The following RASAL3 variants were observed in gnomAD, a reference collection of about 807,000 sequenced individuals.
RASAL3 encodes the protein RAS protein activator like 3, also known as RAS protein activator like-3.
Under a neutral mutation model 105.5 loss-of-function variants are expected in RASAL3, and 74 were observed. The ratio of observed to expected loss-of-function variants is 0.70; its 90% CI spans 0.58 to 0.85. RASAL3 has a LOEUF of 0.85. Among genes scored for constraint, RASAL3 ranks in the 40% least tolerant of loss-of-function variants. The pLI, the probability that RASAL3 is intolerant of heterozygous loss-of-function variation, is 0.00. For synonymous variants in RASAL3, 579 were observed against 591.6 expected, an observed-to-expected ratio of 0.98 and a Z score of 0.31; for missense variants, 1,352 against 1,392.0, an observed-to-expected ratio of 0.97 and a Z score of 0.46.
intron 6 of RASAL3, 93 bp from the exon 7 acceptor site, chr19:15,458,748 C>T (rs1365128985): frequency 1.4e-6 from 2 of 1,479,854 alleles, no homozygotes; most frequent in Non-Finnish European, 9.0e-7. Context: ...AGGACTTCAA[C>T]CCAATTCGGA....
At chr19:15,463,038 C>T (rs751690352) in intron 2 of RASAL3, among the ~76,000 whole-genome samples, 3 of 151,928 alleles carry the variant, frequency 2.0e-5, no homozygotes, top group Non-Finnish European at 4.4e-5. Flanking sequence ...TCTTCTAGAT[C>T]CCCCTGTGTG....
Position 15,456,560 on chromosome 19 carries a change from G to A in RASAL3, c.1518C>T (p.Thr506=), listed in dbSNP as rs756711576. ...ALLFRENTLA[T]KAIDEYMKLV... is the part of the protein sequence containing the mutation. ...GCTTCATGTACTCATCGATAGCCTTGGTGGCCAATGTGTTTTCCCGGAACA... is the reference window on the plus strand; with the variant it reads ...GCTTCATGTACTCATCGATAGCCTTAGTGGCCAATGTGTTTTCCCGGAACA... The change falls in exon 10 of 18, where the codon ACC becomes ACT. Residue 506 remains threonine, a synonymous_variant. Coordinates refer to ENST00000343625, the MANE Select transcript of RASAL3 (RefSeq NM_022904.3). This position sits in a 1 kb window ranked among gnomAD's most constrained non-coding sequence, Gnocchi z 4.4. The A allele has an allele frequency of 6.2e-7, 1 of 1,613,780 alleles. No homozygotes were observed. The highest frequency in any genetic ancestry group is 8.5e-7 in the Non-Finnish European group (1 of 1,179,802).
chr19:15,451,696 C>T lies in RASAL3; in HGVS notation c.*99G>A. The stretch of plus-strand genomic sequence containing the variant: ...GGTTGGGACCAGCAGCTCCACTCCC[C>T]ACTGTAGGCCAAGTAGGGCTAAGGC... On this transcript the variant is annotated 3_prime_UTR_variant, in exon 18 of 18. Coordinates refer to ENST00000343625, the MANE Select transcript of RASAL3 (RefSeq NM_022904.3). 1 of 1,344,014 alleles carries T rather than the reference C, an allele frequency of 7.4e-7. No homozygotes were observed. The highest frequency in any genetic ancestry group is 1.0e-6 in the Non-Finnish European group (1 of 979,856). The allele number at this position is 1,344,014 out of a possible 1,614,324, so 83.3% of individuals were successfully genotyped here. A position where few individuals can be genotyped will look rare whatever the true frequency, so the allele number is the denominator to read the frequency against.
At chr19:15,463,858 C>A (rs908022985) in intron 2 of RASAL3, among the ~76,000 whole-genome samples, 173 bp downstream of exon 2, 10 of 152,190 alleles carry the variant, frequency 6.6e-5, no homozygotes, top group African/African-American at 2.4e-4. Context: ...ACTCCTCCTA[C>A]CCTCTTTAGG....
Position 15,464,130 on chromosome 19 carries a change from C to T in RASAL3, c.229G>A (p.Glu77Lys), listed in dbSNP as rs1970598857. The T allele has an allele frequency of 6.2e-7, 1 of 1,613,460 alleles. No homozygotes were observed. The highest frequency in any genetic ancestry group is 1.7e-4 in the Middle Eastern group (1 of 5,980). The change falls in exon 2 of 18, where the codon GAG becomes AAG. Residue 77 changes from glutamate (E) to lysine (K), a missense_variant. Coordinates refer to ENST00000343625, the MANE Select transcript of RASAL3 (RefSeq NM_022904.3). Reference protein sequence around the residue: ...FRRVLSAPPKESRTSRLRLSK... With the variant: ...FRRVLSAPPKKSRTSRLRLSK... Reference sequence around the variant, plus strand: ...AGTCGAAGGCGACTGGTCCGTGACTCCTTGGGAGGCGCAGATAGGACCCGA... The same window carrying T: ...AGTCGAAGGCGACTGGTCCGTGACTTCTTGGGAGGCGCAGATAGGACCCGA...
At chr19:15,459,013 C>T (rs1970424836) in intron 6 of RASAL3, among the ~76,000 whole-genome samples, 2 of 152,046 alleles carry the variant, frequency 1.3e-5, no homozygotes, top group South Asian at 4.1e-4. Flanking sequence ...TCACTGCAAC[C>T]TCTGCCTTCC....
Position 15,452,597 on chromosome 19 carries a change from G to A in RASAL3, c.2828+61C>T, listed in dbSNP as rs1351628334. On this transcript the variant is annotated intron_variant, in intron 16 of 17. Coordinates refer to ENST00000343625, the MANE Select transcript of RASAL3 (RefSeq NM_022904.3). ...GTTTGGGGGGGGGGGGGAGGGCCTG[G>A]TCAGATCTAATTGGATCGGGCCCAC... 1.5e-5 allele frequency: 20 copies of A among 1,301,682 alleles called. No homozygotes were observed. In the South Asian group the frequency reaches 2.0e-4, roughly 13 times the overall value. The allele number at this position is 1,301,682 out of a possible 1,614,324, so 80.6% of individuals were successfully genotyped here.
At chr19:15,463,966 G>A (rs1451848563) in intron 2 of RASAL3, 65 bp downstream of exon 2, 4 of 1,404,640 alleles carry the variant, frequency 2.8e-6, no homozygotes, top group Non-Finnish European at 3.8e-6. Context: ...TGCTCCGGAG[G>A]CAGACAAAAC....
At chr19:15,452,949 C>A in intron 15 of RASAL3, 134 bp from the exon 16 acceptor site, 1 of 1,462,898 alleles carries the variant, frequency 6.8e-7, no homozygotes. Context: ...TCCTGCGGTA[C>A]AGCTGGGGAG....
chr19:15,458,038 T>C lies in RASAL3; in HGVS notation c.889-204A>G, dbSNP rs1185779338. ...AGCTTTTCTGGGCTCTCCGGGAGAG[T>C]TGGGGGCTCCAGGGCATACAAGAGT... is the stretch of plus-strand genomic sequence containing the variant. On this transcript the variant is annotated intron_variant, in intron 8 of 17. Transcript: ENST00000343625. The C allele has an allele frequency of 6.1e-5, 40 of 653,172 alleles. No homozygotes were observed. The Admixed American group carries it at 7.7e-4, about 13-fold the overall frequency. 40.5% of individuals were successfully genotyped at this position (653,172 alleles called of 1,614,324 possible).
At chr19:15,458,189 G>A in intron 8 of RASAL3, 139 bp downstream of exon 8, 2 of 760,764 alleles carry the variant, frequency 2.6e-6, no homozygotes, top group Non-Finnish European at 4.4e-6. Context: ...GGGGAGTCTT[G>A]GAGCCGTTGC....
chr19:15,453,930 C>T lies in RASAL3; in HGVS notation c.2279+219G>A, dbSNP rs1970236843. The stretch of plus-strand genomic sequence containing the variant: ...TGACTTCTGACTATAATACTGTCCT[C>T]TCTATGACCCTTGACATCTCTCCAC... On this transcript the variant is annotated intron_variant, in intron 14 of 17. Transcript: ENST00000343625. This position sits in a 1 kb window ranked among gnomAD's most constrained non-coding sequence, Gnocchi z 4.2. Among the ~76,000 whole-genome samples, 1 of 152,094 alleles carries T rather than the reference C, an allele frequency of 6.6e-6. No individual in the cohort carries two copies.
chr19:15,463,116 C>A (rs1225514708), intron 2 of RASAL3, among the ~76,000 whole-genome samples: 1 of 149,014 alleles, frequency 6.7e-6, no homozygotes, highest in Non-Finnish European at 1.5e-5. Context: ...GATGGAGTCT[C>A]CCTCTGTCGC....
chr19:15,459,511 T>C (rs1399045549), intron 6 of RASAL3, among the ~76,000 whole-genome samples: 1 of 151,744 alleles, frequency 6.6e-6, no homozygotes, highest in African/African-American at 2.4e-5. Context: ...TCCCAAACTG[T>C]GGGATTACAG....
chr19:15,460,607 C>T (rs558429895), intron 5 of RASAL3, among the ~76,000 whole-genome samples: 1 of 152,128 alleles, frequency 6.6e-6, no homozygotes, highest in African/African-American at 2.4e-5. Flanking sequence ...GTCTTGAACT[C>T]CTGGTCTCAA....
rs900848243 is a variant in RASAL3 at position 15,453,060 on chromosome 19, G to T, written c.2670+47C>A. 4 of 1,609,612 alleles carry T rather than the reference G, an allele frequency of 2.5e-6. No individual in the cohort carries two copies. In the African/African-American group the frequency reaches 5.3e-5, roughly 22 times the overall value. ...CCTGGCCCTTCAGTCTTCCCCAGTC[G>T]CGTCCCTGTTCCCACTCCCCAGGCG... On this transcript the variant is annotated intron_variant, in intron 15 of 17. Coordinates refer to ENST00000343625, the MANE Select transcript of RASAL3 (RefSeq NM_022904.3). This position sits in a 1 kb window ranked among gnomAD's most constrained non-coding sequence, Gnocchi z 4.2.
Position 15,451,806 on chromosome 19 carries a change from C to A in RASAL3, c.3025G>T (p.Asp1009Tyr), listed in dbSNP as rs1970155535. The change falls in exon 18 of 18, where the codon GAC becomes TAC. Residue 1009 changes from aspartate to tyrosine, a missense_variant. By Grantham distance (160) the Asp-to-Tyr change is radical. Coordinates refer to ENST00000343625, the MANE Select transcript of RASAL3 (RefSeq NM_022904.3). Reference sequence around the variant, plus strand: ...GCAGGATGGGCAGCTCAGGTGGTGTCTCCATTGAGGCAGGGTGCTTTGAGG... The same window carrying A: ...GCAGGATGGGCAGCTCAGGTGGTGTATCCATTGAGGCAGGGTGCTTTGAGG... ...QPLKAPCLNG[D>Y]TT 1.3e-6 allele frequency: 2 copies of A among 1,596,924 alleles called. No individual in the cohort carries two copies. Among genetic ancestry groups the A allele is most frequent in the Non-Finnish European group, 1.7e-6 (2 of 1,167,718 alleles).
At position 15,454,174 on chromosome 19, in the gene RASAL3, G is replaced by C. The variant is rs1324893535; in HGVS notation, c.2254C>G (p.Leu752Val). 3 of 1,566,466 alleles carry C rather than the reference G, an allele frequency of 1.9e-6. No homozygotes were observed. Among genetic ancestry groups the C allele is most frequent in the Non-Finnish European group, 2.6e-6 (3 of 1,155,168 alleles). Residue 752 changes from leucine (L) to valine (V), a missense_variant, in exon 14 of 18, where the codon CTG becomes GTG. Transcript: ENST00000343625. ...VLVSVPMRLP[L>V]PPAQVHSSLS... ...CTGGAGTGGACCTGGGCCGGGGGCA[G>C]TGGGAGACGCATTGGCACTGACACA...
At position 15,452,824 on chromosome 19, in the gene RASAL3, G is replaced by T; in HGVS notation, c.2671-9C>A. ...CACTGCAGCTCTGCCAACTGTGGTG[G>T]GAGAGCAGCTGTAATCTGACCCGTT... is the stretch of plus-strand genomic sequence containing the variant. On this transcript the variant is annotated splice_polypyrimidine_tract_variant and intron_variant, in intron 15 of 17. Coordinates refer to ENST00000343625, the MANE Select transcript of RASAL3 (RefSeq NM_022904.3). The T allele has an allele frequency of 6.5e-7, 1 of 1,542,628 alleles. No homozygotes were observed. Among genetic ancestry groups the T allele is most frequent in the East Asian group, 2.4e-5 (1 of 41,186 alleles).
Sources: gnomAD v4.1 joint callset for allele counts (sites outside exome capture counted in the v4.1 genomes callset) on GRCh38, gnomAD v4.1.1 for gene constraint, Gnocchi (gnomAD v3.1) non-coding constraint, MANE v1.5 for transcripts, NCBI Gene and HGNC (gene_info 2026-07-23, HGNC 2026-07-21) for gene names.